The following VWF variants were observed in gnomAD, a reference collection of about 807,000 sequenced individuals.
VWF encodes the protein von Willebrand factor.
VWF carries 176 observed loss-of-function variants against 308.6 expected under a neutral mutation model. That is an observed-to-expected ratio of 0.57 (90% CI 0.50 to 0.65). The LOEUF (loss-of-function observed/expected upper bound fraction) is 0.65, where lower values mean the gene tolerates loss of function less well. VWF is among the 30% of genes least tolerant of loss of function. VWF has a pLI of 0.00. For synonymous variants in VWF, 1,385 were observed against 1,443.4 expected, an observed-to-expected ratio of 0.96 and a Z score of 0.92; for missense variants, 3,146 against 3,648.2, an observed-to-expected ratio of 0.86 and a Z score of 3.55.
At chr12:6,007,781 C>G (rs1943945872) in intron 34 of VWF, among the ~76,000 whole-genome samples, 1 of 151,834 alleles carries the variant, frequency 6.6e-6, no homozygotes, top group Non-Finnish European at 1.5e-5. Context: ...TAAAGGTCAA[C>G]AAAATTAACA....
chr12:6,087,617 G>A (rs559235534), intron 6 of VWF, among the ~76,000 whole-genome samples: 3 of 151,230 alleles, frequency 2.0e-5, no homozygotes, highest in South Asian at 4.2e-4. Flanking sequence ...CGCCCGCCTC[G>A]GCCTCCCAAA....
intron 34 of VWF, among the ~76,000 whole-genome samples, chr12:6,000,837 A>AATC (rs1943865300): frequency 6.6e-6 from 1 of 151,410 alleles, no homozygotes; most frequent in African/African-American, 2.4e-5. Context: ...AAAAAAAAGA[A>AATC]ATCTACTAGA....
chr12:5,962,575 G>T (rs570214229), intron 47 of VWF, among the ~76,000 whole-genome samples: 2 of 122,230 alleles, frequency 1.6e-5, no homozygotes, highest in Non-Finnish European at 3.2e-5. Context: ...ACAGAGTCTC[G>T]CTCTGTCACC....
intron 37 of VWF, among the ~76,000 whole-genome samples, chr12:5,993,658 T>C (rs1374799429): frequency 1.4e-5 from 2 of 146,876 alleles, no homozygotes; most frequent in African/African-American, 5.0e-5. Context: ...TGTATATATA[T>C]ATATATACAC....
intron 15 of VWF, among the ~76,000 whole-genome samples, chr12:6,054,133 G>A (rs1944548573): frequency 6.6e-6 from 1 of 152,222 alleles, no homozygotes; most frequent in African/African-American, 2.4e-5. Flanking sequence ...TTTCACAGAT[G>A]TTATAAAAGT....
rs202034414 is a variant in VWF, at chr12:6,023,709, A to C, written c.3301T>G (p.Cys1101Gly). ...CESIGDCACF[C>G]DTIAAYAHVC... ...TGGGCATAGGCAGCAATGGTGTCGCAGAAGCAGGCGCAGTCCCCAATGGAC... is the reference window on the plus strand; with the variant it reads ...TGGGCATAGGCAGCAATGGTGTCGCCGAAGCAGGCGCAGTCCCCAATGGAC... The change falls in exon 25 of 52, where the codon TGC becomes GGC. Residue 1101 changes from cysteine to glycine, a missense_variant. Coordinates refer to ENST00000261405, the MANE Select transcript of VWF (RefSeq NM_000552.5). 2.5e-6 allele frequency: 4 copies of C among 1,614,006 alleles called. No homozygotes were observed. The highest frequency in any genetic ancestry group is 3.4e-6 in the Non-Finnish European group (4 of 1,180,020).
chr12:5,964,862 G>C (rs1416345318), intron 47 of VWF, among the ~76,000 whole-genome samples: 3 of 152,188 alleles, frequency 2.0e-5, no homozygotes, highest in Non-Finnish European at 4.4e-5. Flanking sequence ...GGGAAAGGAG[G>C]CAGAAAATAA....
rs1383078356 is a variant in VWF at position 6,011,106 on chromosome 12, CA to C, written c.5842+510del. Among the ~76,000 whole-genome samples the C allele has an allele frequency of 1.4e-4, 21 of 152,300 alleles. No individual in the cohort carries two copies. In the East Asian group the frequency reaches 3.5e-3, roughly 25 times the overall value. On this transcript the variant is annotated intron_variant, in intron 34 of 51. Transcript: ENST00000261405. ...GGTCACCATAAGCAGTCATTGCTCCCAAACATGAGACAGAAGGCTAACCCAG... is the reference window on the plus strand; with the variant it reads ...GGTCACCATAAGCAGTCATTGCTCCCAACATGAGACAGAAGGCTAACCCAG...
chr12:6,098,976 A>G (rs2136504650), intron 5 of VWF, among the ~76,000 whole-genome samples: 1 of 151,906 alleles, frequency 6.6e-6, no homozygotes, highest in South Asian at 2.1e-4. Flanking sequence ...GGACCCTTAA[A>G]GGATGACAAC....
chr12:6,105,530 C>T (rs991703131), intron 5 of VWF, among the ~76,000 whole-genome samples: 3 of 151,818 alleles, frequency 2.0e-5, no homozygotes, highest in Non-Finnish European at 4.4e-5. Flanking sequence ...GCCACCACGC[C>T]CGGCCTTATA....
chr12:5,955,150 A>G (rs1184386491), intron 47 of VWF, among the ~76,000 whole-genome samples: 1 of 152,230 alleles, frequency 6.6e-6, no homozygotes, highest in East Asian at 1.9e-4. Context: ...TTTGATCTAT[A>G]CCAAGAGAAT....
chr12:6,118,598 G>A (rs1220763557), intron 3 of VWF, among the ~76,000 whole-genome samples: 1 of 151,768 alleles, frequency 6.6e-6, no homozygotes, highest in Non-Finnish European at 1.5e-5. Context: ...TGTTGGCCAG[G>A]CTGGTCTCGA....
intron 6 of VWF, among the ~76,000 whole-genome samples, chr12:6,087,654 G>T (rs565737968): frequency 2.0e-5 from 3 of 151,692 alleles, no homozygotes; most frequent in African/African-American, 7.3e-5. Context: ...CTGAGCCCCC[G>T]CGCCTGGCCA....
At chr12:6,027,507 T>C (rs576448529) in intron 22 of VWF, among the ~76,000 whole-genome samples, 76 of 152,242 alleles carry the variant, frequency 5.0e-4, no homozygotes, top group African/African-American at 1.8e-3. Flanking sequence ...GTGGGCTGAA[T>C]GTCATCACAG....
chr12:6,099,687 A>G (rs1945140560), intron 5 of VWF, among the ~76,000 whole-genome samples: 1 of 152,132 alleles, frequency 6.6e-6, no homozygotes, highest in East Asian at 1.9e-4. Context: ...CTGGCTAGCC[A>G]TATGTAGAAA....
chr12:5,962,214 T>C (rs1305200431), intron 47 of VWF, among the ~76,000 whole-genome samples: 1 of 152,196 alleles, frequency 6.6e-6, no homozygotes, highest in Admixed American at 6.5e-5. Flanking sequence ...CGAAGAGATA[T>C]ACTATGTTCA....
chr12:5,998,370 C>G (rs537442915), intron 34 of VWF, among the ~76,000 whole-genome samples: 182 of 147,116 alleles, frequency 1.2e-3, no homozygotes, highest in African/African-American at 4.3e-3. Context: ...TGGTGGCGGG[C>G]ACCTGTAGTC....
At chr12:5,985,479 G>T in intron 39 of VWF, 84 bp downstream of exon 39, 2 of 1,421,354 alleles carry the variant, frequency 1.4e-6, no homozygotes, top group Non-Finnish European at 1.9e-6. Flanking sequence ...AGTCTGCTCT[G>T]CCAGAGGTGA....
intron 3 of VWF, among the ~76,000 whole-genome samples, chr12:6,120,344 T>C (rs1202324080): frequency 1.3e-5 from 2 of 151,772 alleles, no homozygotes; most frequent in African/African-American, 4.8e-5. Context: ...TTTTTTGAGA[T>C]GGAGTCTCGC....
Sources: gnomAD v4.1 joint callset for allele counts (sites outside exome capture counted in the v4.1 genomes callset) on GRCh38, gnomAD v4.1.1 for gene constraint, MANE v1.5 for transcripts, NCBI Gene and HGNC (gene_info 2026-07-23, HGNC 2026-07-21) for gene names.